ATP2B2: variants seen among roughly 807,000 people sequenced by gnomAD.
ATP2B2 encodes the protein plasma membrane calcium-transporting ATPase 2.
A neutral mutation model predicts 120.0 loss-of-function variants in ATP2B2; 15 were observed. The observed-to-expected ratio is 0.12, with a 90% CI of 0.08 to 0.19. The LOEUF (loss-of-function observed/expected upper bound fraction) is 0.19, where lower values mean the gene tolerates loss of function less well. Among genes scored for constraint, ATP2B2 ranks in the 10% least tolerant of loss-of-function variants. ATP2B2 has a pLI of 1.00. For missense variants in ATP2B2, 1,045 were observed against 1,719.8 expected, an observed-to-expected ratio of 0.61 and a Z score of 6.94; for synonymous variants, 694 against 700.3, an observed-to-expected ratio of 0.99 and a Z score of 0.14.
intron 2 of ATP2B2, among the ~76,000 whole-genome samples, chr3:10,439,028 C>T (rs910488553): frequency 1.6e-4 from 24 of 152,308 alleles, no homozygotes; most frequent in Admixed American, 1.2e-3. Flanking sequence ...CCTGAAGCTG[C>T]TTGGTAGAAA....
chr3:10,446,078 C>T (rs2063827586), intron 2 of ATP2B2, among the ~76,000 whole-genome samples: 1 of 152,198 alleles, frequency 6.6e-6, no homozygotes, highest in Non-Finnish European at 1.5e-5. Flanking sequence ...CTGCTCTGAC[C>T]TGAACTGTGG....
chr3:10,624,414 C>A (rs2069636092), intron 1 of ATP2B2, among the ~76,000 whole-genome samples: 1 of 152,176 alleles, frequency 6.6e-6, no homozygotes. Context: ...TCACAAGAAT[C>A]CCTGTGTTGC....
intron 1 of ATP2B2, among the ~76,000 whole-genome samples, chr3:10,637,349 A>G (rs1169679919): frequency 6.6e-6 from 1 of 152,230 alleles, no homozygotes; most frequent in Non-Finnish European, 1.5e-5. Flanking sequence ...ATAAAAACTG[A>G]CTCAGAACTG....
rs373192330 is a variant in ATP2B2, at chr3:10,388,299, C to T, written c.885G>A (p.Glu295=). ...IFTLLGAGGE[E]EEKKDKKGVK... is the part of the protein sequence containing the mutation. ...TACCTTTTTTGTCTTTCTTCTCTTC[C>T]TCTTCACCACCAGCCCCCAGGAGGG... Residue 295 remains glutamate, a synonymous_variant, in exon 6 of 23, where the codon GAG becomes GAA. Transcript: ENST00000360273. The T allele has an allele frequency of 3.7e-6, 6 of 1,614,070 alleles. No homozygotes were observed. The highest frequency in any genetic ancestry group is 5.1e-6 in the Non-Finnish European group (6 of 1,180,040).
intron 1 of ATP2B2, among the ~76,000 whole-genome samples, chr3:10,482,453 C>T (rs1178319408): frequency 6.6e-6 from 1 of 152,246 alleles, no homozygotes; most frequent in African/African-American, 2.4e-5. Context: ...TGGGCCATCC[C>T]TCCATGCCTC....
intron 14 of ATP2B2, among the ~76,000 whole-genome samples, chr3:10,353,633 G>T (rs890787591): frequency 1.3e-5 from 2 of 152,222 alleles, no homozygotes; most frequent in African/African-American, 4.8e-5. Context: ...TTCTGAGCCA[G>T]GAATGAGGTG....
intron 12 of ATP2B2, among the ~76,000 whole-genome samples, chr3:10,371,575 A>G (rs558805167): frequency 2.3e-4 from 35 of 152,342 alleles, no homozygotes; most frequent in African/African-American, 8.2e-4. Flanking sequence ...GTGGGGGTTC[A>G]ACGACAGGAT....
At chr3:10,681,568 A>C (rs376929004) in intron 1 of ATP2B2, among the ~76,000 whole-genome samples, 1 of 152,266 alleles carries the variant, frequency 6.6e-6, no homozygotes, top group Admixed American at 6.5e-5. Flanking sequence ...GGGTGCAGGC[A>C]CTGTGGTTGG....
chr3:10,649,803 C>T (rs2070407944), intron 1 of ATP2B2, among the ~76,000 whole-genome samples: 1 of 152,178 alleles, frequency 6.6e-6, no homozygotes, highest in African/African-American at 2.4e-5. Context: ...GAATAAGTCT[C>T]ACAAGATCTG....
At position 10,359,935 on chromosome 3, in the gene ATP2B2, G is replaced by A. The variant is rs199820307; in HGVS notation, c.1848C>T (p.Pro616=). Residue 616 remains proline, a synonymous_variant, in exon 13 of 23, where the codon CCC becomes CCT. Transcript: ENST00000360273. ...TGCTGTACATGCGGAAGCTCTCGTC[G>A]GGCAGCTTGATGACAGTGCTCATGG... ...RKSMSTVIKL[P]DESFRMYSKG... is the part of the protein sequence containing the mutation. The A allele has an allele frequency of 1.2e-4, 201 of 1,614,024 alleles. No individual in the cohort carries two copies. The highest frequency in any genetic ancestry group is 5.3e-4 in the East Asian group (24 of 44,898).
chr3:10,606,300 T>C (rs982105444), intron 2 of ATP2B2, among the ~76,000 whole-genome samples: 1 of 152,118 alleles, frequency 6.6e-6, no homozygotes, highest in African/African-American at 2.4e-5. Context: ...TGTACCCATA[T>C]ACTCCACGGC....
chr3:10,635,270 T>A lies in ATP2B2; in HGVS notation c.-459-15309A>T, dbSNP rs757516847. 6.6e-6 allele frequency among the ~76,000 whole-genome samples: 1 copy of A among 152,140 alleles called. No individual in the cohort carries two copies. Among genetic ancestry groups the A allele is most frequent in the Admixed American group, 6.5e-5 (1 of 15,278 alleles). On this transcript the variant is annotated intron_variant, in intron 1 of 21. Coordinates refer to the ATP2B2 transcript ENST00000646379. The surrounding 1 kb of genome is among the most constrained non-coding windows in gnomAD (Gnocchi z 4.3). ...GCAACTAATTCCAGTTTAAAACCCA[T>A]AACATTCAACATAGTCACGGGATTT...
At chr3:10,620,148 C>T (rs2069506007) in intron 1 of ATP2B2, among the ~76,000 whole-genome samples, 1 of 152,188 alleles carries the variant, frequency 6.6e-6, no homozygotes. Flanking sequence ...AGGGCTGCAT[C>T]TCTGGGCCAG....
intron 14 of ATP2B2, 87 bp downstream of exon 14, chr3:10,358,604 A>G: frequency 8.0e-7 from 1 of 1,248,300 alleles, no homozygotes; most frequent in Non-Finnish European, 1.2e-6. Flanking sequence ...AGACTCAAAG[A>G]GGTGAAGTGA....
Position 10,375,500 on chromosome 3 carries a change from G to A in ATP2B2, c.1346C>T (p.Thr449Met). The A allele has an allele frequency of 1.2e-6, 2 of 1,613,622 alleles. No homozygotes were observed. Among genetic ancestry groups the A allele is most frequent in the Non-Finnish European group, 8.5e-7 (1 of 1,180,012 alleles). Reference sequence around the variant, plus strand: ...CTCGGGCACGGCGACCACCAGCACCGTCACGCCAATGATGAAGAACTTGAC... The same window carrying A: ...CTCGGGCACGGCGACCACCAGCACCATCACGCCAATGATGAAGAACTTGAC... ...YFVKFFIIGVTVLVVAVPEGL... is the reference protein window; with the variant it reads ...YFVKFFIIGVMVLVVAVPEGL... The change falls in exon 11 of 23, where the codon ACG (threonine) becomes ATG (methionine). Residue 449 changes from threonine (T) to methionine (M), a missense_variant. Coordinates refer to ENST00000360273, the MANE Select transcript of ATP2B2 (RefSeq NM_001001331.4). This position sits in a 1 kb window ranked among gnomAD's most constrained non-coding sequence, Gnocchi z 4.2.
intron 2 of ATP2B2, among the ~76,000 whole-genome samples, chr3:10,581,728 C>G (rs949828294): frequency 4.6e-5 from 7 of 152,206 alleles, no homozygotes; most frequent in Admixed American, 1.3e-4. Flanking sequence ...TTGGAAAAAA[C>G]TCCTCCAAGG....
chr3:10,532,090 A>G (rs1413244889), intron 3 of ATP2B2, among the ~76,000 whole-genome samples: 6 of 151,534 alleles, frequency 4.0e-5, no homozygotes, highest in African/African-American at 1.5e-4. Context: ...TTTCTCAAAC[A>G]TTGATCGGAC....
At chr3:10,468,775 GT>G (rs1237586103) in intron 1 of ATP2B2, among the ~76,000 whole-genome samples, 1 of 152,230 alleles carries the variant, frequency 6.6e-6, no homozygotes, top group Non-Finnish European at 1.5e-5. Context: ...GTTCCTATCA[GT>G]GCCAAGTCCT....
Position 10,534,799 on chromosome 3 carries a change from C to T in ATP2B2, c.-414-666G>A, listed in dbSNP as rs557186392. On this transcript the variant is annotated intron_variant, in intron 2 of 21. Coordinates refer to the ATP2B2 transcript ENST00000646379. ...GCATAAGTGCCGTGGGTCTTAGAAA[C>T]GCCCGACAAACAGCAGCAGCAGAGG... is the stretch of plus-strand genomic sequence containing the variant. 3.9e-5 allele frequency among the ~76,000 whole-genome samples: 6 copies of T among 152,076 alleles called. No individual in the cohort carries two copies. In the South Asian group the frequency reaches 8.3e-4, roughly 21 times the overall value.
Sources: gnomAD v4.1 joint callset for allele counts (sites outside exome capture counted in the v4.1 genomes callset) on GRCh38, gnomAD v4.1.1 for gene constraint, Gnocchi (gnomAD v3.1) non-coding constraint, MANE v1.5 for transcripts, NCBI Gene and HGNC (gene_info 2026-07-23, HGNC 2026-07-21) for gene names.